Variants in AP4M1 observed in about 807,000 individuals in gnomAD.
AP4M1 encodes the protein adaptor related protein complex 4 subunit mu 1, also known as AP-4 complex subunit mu-1.
Under a neutral mutation model 62.4 loss-of-function variants are expected in AP4M1, and 58 were observed. The ratio of observed to expected loss-of-function variants is 0.93; its 90% CI spans 0.75 to 1.16. The LOEUF is 1.16. Among genes scored for constraint, AP4M1 ranks in the 50% most tolerant of loss-of-function variants. The pLI is 0.00. For missense variants in AP4M1, 626 were observed against 585.4 expected (o/e 1.07, Z -0.72); for synonymous variants, 290 against 239.7 (o/e 1.21, Z -1.94).
chr7:100,106,209 T>A, intron 12 of AP4M1, 32 bp from the exon 13 acceptor site: 2 of 1,613,754 alleles, frequency 1.2e-6, no homozygotes, highest in Non-Finnish European at 8.5e-7. Context: ...TGTGCCTTCC[T>A]GGGGCTGACT....
intron 7 of AP4M1, 115 bp downstream of exon 7, chr7:100,104,269 G>A: frequency 1.1e-6 from 1 of 932,276 alleles, no homozygotes; most frequent in Non-Finnish European, 1.7e-6. Flanking sequence ...TGTAATCCCA[G>A]TGCTTTGGGA....
intron 2 of AP4M1, 110 bp downstream of exon 2, chr7:100,102,078 C>A: frequency 7.8e-7 from 1 of 1,277,212 alleles, no homozygotes; most frequent in Non-Finnish European, 1.1e-6. Context: ...GGGTGCATTC[C>A]GCCAAATAAA....
rs1169971109 is a variant in AP4M1 at position 100,105,100 on chromosome 7, TGAG to T, written c.727+6_727+8del. 6.2e-7 allele frequency: 1 copy of T among 1,613,854 alleles called. No homozygotes were observed. Among genetic ancestry groups the T allele is most frequent in the Non-Finnish European group, 8.5e-7 (1 of 1,180,008 alleles). On this transcript the variant is annotated splice_donor_5th_base_variant and intron_variant, in intron 9 of 14. Coordinates refer to ENST00000359593, the MANE Select transcript of AP4M1 (RefSeq NM_004722.4). ...GTGTGGGGAAGTCAGAGCTGAGAGG[TGAG>T]GAGAAAGTGGGTCTTTCTCCCCTTG...
At position 100,107,836 on chromosome 7, in the gene AP4M1, A is replaced by G; in HGVS notation, c.*954A>G. ...TTCCAGCTCTTGACTTGGGGCCCAG[A>G]GGGGACTGTGCTCTACTCCTGGGCC... On this transcript the variant is annotated 3_prime_UTR_variant, in exon 15 of 15. Coordinates refer to ENST00000359593, the MANE Select transcript of AP4M1 (RefSeq NM_004722.4). 3 of 1,475,782 alleles carry G rather than the reference A, an allele frequency of 2.0e-6. No homozygotes were observed. Among genetic ancestry groups the G allele is most frequent in the Non-Finnish European group, 2.7e-6 (3 of 1,099,446 alleles). 91.4% of individuals were successfully genotyped at this position (1,475,782 alleles called of 1,614,324 possible). A position where few individuals can be genotyped will look rare whatever the true frequency, so the allele number is the denominator to read the frequency against.
intron 2 of AP4M1, chr7:100,102,240 A>C (rs1023442803): frequency 3.7e-5 from 22 of 588,718 alleles, no homozygotes; most frequent in Admixed American, 3.0e-4. Context: ...AAAAAAAAAA[A>C]CATAGCTGGG....
At chr7:100,104,475 G>T (rs993348884) in intron 7 of AP4M1, among the ~76,000 whole-genome samples, 3 of 151,970 alleles carry the variant, frequency 2.0e-5, no homozygotes, top group Non-Finnish European at 2.9e-5. Flanking sequence ...AGTAAGCCAA[G>T]ATCGAGTCAC....
intron 2 of AP4M1, chr7:100,102,310 G>T: frequency 3.9e-6 from 2 of 518,080 alleles, no homozygotes; most frequent in South Asian, 3.9e-5. Context: ...AGAATCGCTT[G>T]AATCCAAGAG....
In AP4M1 at chr7:100,106,705, C is replaced by T; in HGVS notation, c.1185C>T (p.Thr395=). Residue 395 remains threonine, a synonymous_variant, in exon 15 of 15, where the codon ACC becomes ACT. Transcript: ENST00000359593. ...GACCTCCCAGCCATGGGCTCTCCAC[C>T]TCGGCCTCTCCTCTGGGGCTGGGCC... ...PPGPPSHGLS[T]SASPLGLGPA... The T allele has an allele frequency of 6.2e-7, 1 of 1,613,708 alleles. No homozygotes were observed. Among genetic ancestry groups the T allele is most frequent in the East Asian group, 2.2e-5 (1 of 44,876 alleles).
chr7:100,104,980 G>A (rs779863105), intron 8 of AP4M1, 40 bp downstream of exon 8: 2 of 1,614,082 alleles, frequency 1.2e-6, no homozygotes, highest in Non-Finnish European at 1.7e-6. Flanking sequence ...TGGGGTTAGG[G>A]CGGGTTCCTT....
chr7:100,101,475 C>T (rs1054735665), upstream of AP4M1: 7 of 840,816 alleles, frequency 8.3e-6, no homozygotes, highest in African/African-American at 1.2e-4. Flanking sequence ...CTTCACCTCC[C>T]GCTAGCCGCA....
chr7:100,104,763 G>GGAGGTTGCAGTGAGCC, intron 7 of AP4M1, 111 bp from the exon 8 acceptor site: 2 of 1,157,802 alleles, frequency 1.7e-6, no homozygotes, highest in Middle Eastern at 2.6e-4. Context: ...CCTGGGAGGT[G>GGAGGTTGCAGTGAGCC]GAGGTTGCAG....
At position 100,102,830 on chromosome 7, in the gene AP4M1, G is replaced by A. The variant is rs775996312; in HGVS notation, c.255-34G>A. The A allele has an allele frequency of 3.7e-6, 6 of 1,613,380 alleles. No homozygotes were observed. The African/African-American group carries it at 4.0e-5, about 11-fold the overall frequency. ...CTGGTAGCTAGGAGGGGTCTGAGAG[G>A]AGGAGAAAATACACGCTCCAAGTGT... On this transcript the variant is annotated intron_variant, in intron 3 of 14. Coordinates refer to ENST00000359593, the MANE Select transcript of AP4M1 (RefSeq NM_004722.4).
In AP4M1 at chr7:100,103,646, C is replaced by G; in HGVS notation, c.497C>G (p.Pro166Arg). Residue 166 changes from proline (P) to arginine (R), a missense_variant, in exon 6 of 15, where the codon CCC becomes CGC. Pro to Arg is a moderately radical substitution (Grantham distance 103). Transcript: ENST00000359593. The part of the protein sequence containing the change: ...GAETQQSKVA[P>R]SSAASRPVLS... ...GAGACACAACAGAGCAAAGTGGCCC[C>G]CAGCAGTGCAGCCAGCCGCCCCGTC... 1 of 1,613,646 alleles carries G rather than the reference C, an allele frequency of 6.2e-7. No homozygotes were observed. Among genetic ancestry groups the G allele is most frequent in the Non-Finnish European group, 8.5e-7 (1 of 1,180,022 alleles).
Position 100,107,304 on chromosome 7 carries a change from C to G in AP4M1, c.*422C>G. 1 of 1,528,668 alleles carries G rather than the reference C, an allele frequency of 6.5e-7. No individual in the cohort carries two copies. Among genetic ancestry groups the G allele is most frequent in the Non-Finnish European group, 8.8e-7 (1 of 1,139,086 alleles). The allele number at this position is 1,528,668 out of a possible 1,614,324, so 94.7% of individuals were successfully genotyped here. ...CTGGGAGCCATTGGCTTTTGGAGTC[C>G]CTGGAGCTGGAGGGGGACTGTCCCC... On this transcript the variant is annotated 3_prime_UTR_variant, in exon 15 of 15. Transcript: ENST00000359593.
At chr7:100,101,581 C>T (rs1370331963), upstream of AP4M1, 2 of 1,009,090 alleles carry the variant, frequency 2.0e-6, no homozygotes, top group East Asian at 2.5e-5. Context: ...GCCGGGTTTC[C>T]CGCGGTCCGA....
At chr7:100,105,646 CA>C (rs1331929879) in intron 11 of AP4M1, 107 bp downstream of exon 11, 16 of 1,192,076 alleles carry the variant, frequency 1.3e-5, no homozygotes, top group Non-Finnish European at 1.9e-5. Context: ...TGATGGAGTG[CA>C]AATTGGAAAA....
At chr7:100,105,159 A>T in intron 9 of AP4M1, 61 bp downstream of exon 9, 1 of 1,611,980 alleles carries the variant, frequency 6.2e-7, no homozygotes, top group Non-Finnish European at 8.5e-7. Flanking sequence ...TCATGGAGAG[A>T]AGTCAGACAG....
intron 7 of AP4M1, among the ~76,000 whole-genome samples, 158 bp downstream of exon 7, chr7:100,104,312 G>GT (rs1408783628): frequency 6.6e-6 from 1 of 151,936 alleles, no homozygotes; most frequent in Admixed American, 6.6e-5. Flanking sequence ...GGGGCCAGGA[G>GT]TTTGAAACCA....
intron 11 of AP4M1, 101 bp downstream of exon 11, chr7:100,105,640 G>A (rs967815729): frequency 2.4e-6 from 3 of 1,241,982 alleles, no homozygotes; most frequent in East Asian, 2.4e-5. Context: ...TAGTGGTGAT[G>A]GAGTGCAAAT....
Sources: gnomAD v4.1 joint callset for allele counts (sites outside exome capture counted in the v4.1 genomes callset) on GRCh38, gnomAD v4.1.1 for gene constraint, MANE v1.5 for transcripts, NCBI Gene and HGNC (gene_info 2026-07-23, HGNC 2026-07-21) for gene names.